Variants in WDR18 observed in about 807,000 individuals in gnomAD.
WDR18 encodes the protein WD repeat domain 18.
Under a neutral mutation model 49.6 loss-of-function variants are expected in WDR18, and 33 were observed. The observed-to-expected ratio is 0.67, with a 90% CI of 0.50 to 0.89. WDR18 has a LOEUF of 0.89. Ranked by LOEUF, WDR18 falls within the 40% of genes least tolerant of loss-of-function variation. The probability of loss-of-function intolerance (pLI) is 0.00; values close to 1 mark genes in which losing one functional copy is unlikely to be tolerated. For synonymous variants in WDR18, 315 were observed against 263.6 expected, an observed-to-expected ratio of 1.19 and a Z score of -1.89; for missense variants, 653 against 593.6, an observed-to-expected ratio of 1.10 and a Z score of -1.04.
In WDR18 at chr19:990,937, A is replaced by AGGT; in HGVS notation, c.683_684insGGT (p.His228delinsGlnVal). The AGGT allele has an allele frequency of 6.2e-7, 1 of 1,612,678 alleles. No individual in the cohort carries two copies. The highest frequency in any genetic ancestry group is 1.1e-5 in the South Asian group (1 of 91,062). On this transcript the variant is annotated protein_altering_variant, in exon 5 of 10. Coordinates refer to ENST00000585809, the MANE Select transcript of WDR18 (RefSeq NM_024100.4). The stretch of plus-strand genomic sequence containing the variant: ...GCAGTGACCATGGACCTGGCTGAGC[A>AGGT]CCATATGTTCTGCGGGGGCAGTGAG...
At chr19:984,660 T>G in intron 1 of WDR18, 97 bp downstream of exon 1, 4 of 1,222,694 alleles carry the variant, frequency 3.3e-6, no homozygotes, top group Non-Finnish European at 4.3e-6. Context: ...TAGTCGGAAT[T>G]GGCGTGGGGA....
In WDR18 at chr19:994,127, G is replaced by A. The variant is rs760290391; in HGVS notation, c.1167+39G>A. On this transcript the variant is annotated intron_variant, in intron 9 of 9. Coordinates refer to ENST00000585809, the MANE Select transcript of WDR18 (RefSeq NM_024100.4). ...CGGGAGGGGCGGGGCCTGAGGCTGGGGTCAGTCCTGGCCAGTGGGGGTGAG... is the reference window on the plus strand; with the variant it reads ...CGGGAGGGGCGGGGCCTGAGGCTGGAGTCAGTCCTGGCCAGTGGGGGTGAG... 8.4e-6 allele frequency: 13 copies of A among 1,548,756 alleles called. No homozygotes were observed. The Middle Eastern group carries it at 1.5e-3, about 181-fold the overall frequency.
intron 2 of WDR18, among the ~76,000 whole-genome samples, chr19:989,130 CA>C (rs1339591594): frequency 6.2e-5 from 5 of 80,958 alleles, no homozygotes; most frequent in African/African-American, 2.3e-4. Flanking sequence ...CAAACCCCCC[CA>C]AGAGCATCTC....
At chr19:989,682 G>A in intron 2 of WDR18, 80 bp from the exon 3 acceptor site, 1 of 1,578,486 alleles carries the variant, frequency 6.3e-7, no homozygotes, top group African/African-American at 1.3e-5. Flanking sequence ...CCGTGCAGTG[G>A]TGGGTTCCTG....
chr19:984,343 G>C, upstream of WDR18: 2 of 1,583,992 alleles, frequency 1.3e-6, no homozygotes. Flanking sequence ...CGGGGCGGTG[G>C]GGAAGGCAAG....
chr19:987,637 C>G (rs114389009), intron 2 of WDR18, among the ~76,000 whole-genome samples: 1,987 of 152,050 alleles, frequency 0.013, 40 homozygotes, highest in African/African-American at 0.045. Context: ...CAGTAGCTCA[C>G]GAGTCACCCC....
chr19:983,409 A>T (rs2038438343), upstream of WDR18, among the ~76,000 whole-genome samples: 1 of 151,974 alleles, frequency 6.6e-6, no homozygotes, highest in Non-Finnish European at 1.5e-5. Context: ...CTCCTGCCTC[A>T]GCCTCCCACC....
Position 991,290 on chromosome 19 carries a change from C to G in WDR18, c.870C>G (p.Asp290Glu), listed in dbSNP as rs1016900924. 8 of 1,563,248 alleles carry G rather than the reference C, an allele frequency of 5.1e-6. No homozygotes were observed. The African/African-American group carries it at 8.1e-5, about 16-fold the overall frequency. The change falls in exon 7 of 10, where the codon GAC (aspartate) becomes GAG (glutamate). Residue 290 changes from aspartate (D) to glutamate (E), a missense_variant. By Grantham distance (45) the Asp-to-Glu change is conservative (BLOSUM62 2). Transcript: ENST00000585809. ...DGSVLLSGSH[D>E]ETVRLWDVQS... The stretch of plus-strand genomic sequence containing the variant: ...GCGTGCTGCTCTCAGGCTCCCACGA[C>G]GAGACCGTGCGCCTCTGGGACGTGC...
chr19:990,164 G>C, intron 3 of WDR18, 59 bp from the exon 4 acceptor site: 1 of 1,522,702 alleles, frequency 6.6e-7, no homozygotes, highest in Non-Finnish European at 8.8e-7. Context: ...TGCTGGAGGC[G>C]TGGACTGCCC....
At chr19:990,435 A>G in intron 4 of WDR18, 71 bp downstream of exon 4, 1 of 1,449,864 alleles carries the variant, frequency 6.9e-7, no homozygotes. Flanking sequence ...CCAGGAATGC[A>G]GGAATCGCCT....
At chr19:993,389 C>T (rs994514074) in intron 8 of WDR18, among the ~76,000 whole-genome samples, 15 of 152,216 alleles carry the variant, frequency 9.9e-5, no homozygotes, top group Non-Finnish European at 1.9e-4. Context: ...CCGGTAATGC[C>T]GCCACCTTTC....
chr19:992,242 G>A (rs2145514537), intron 8 of WDR18, 121 bp downstream of exon 8: 4 of 1,235,958 alleles, frequency 3.2e-6, no homozygotes, highest in Non-Finnish European at 4.2e-6. Flanking sequence ...GCCCGGCACT[G>A]GAGGGCGCGT....
At position 990,969 on chromosome 19, in the gene WDR18, A is replaced by G; in HGVS notation, c.715A>G (p.Ile239Val). Residue 239 changes from isoleucine to valine, a missense_variant, in exon 5 of 10, where the codon ATC becomes GTC. By Grantham distance (29) the Ile-to-Val change is conservative (BLOSUM62 3). Coordinates refer to ENST00000585809, the MANE Select transcript of WDR18 (RefSeq NM_024100.4). Reference sequence around the variant, plus strand: ...GTTCTGCGGGGGCAGTGAGGGCTCCATCTTCCAGGTCGACCTCTTCACCTG... The same window carrying G: ...GTTCTGCGGGGGCAGTGAGGGCTCCGTCTTCCAGGTCGACCTCTTCACCTG... ...HMFCGGSEGSIFQVDLFTWPG... is the reference protein window; with the variant it reads ...HMFCGGSEGSVFQVDLFTWPG... The G allele has an allele frequency of 3.1e-6, 5 of 1,611,154 alleles. No homozygotes were observed. Among genetic ancestry groups the G allele is most frequent in the Non-Finnish European group, 4.2e-6 (5 of 1,178,990 alleles).
chr19:987,216 A>C (rs990924238), intron 2 of WDR18, among the ~76,000 whole-genome samples: 4 of 152,092 alleles, frequency 2.6e-5, no homozygotes, highest in African/African-American at 9.7e-5. Flanking sequence ...GGTGGCATAC[A>C]CCTATAGTCC....
intron 8 of WDR18, among the ~76,000 whole-genome samples, chr19:992,517 C>T (rs771568272): frequency 1.4e-4 from 22 of 152,214 alleles, no homozygotes; most frequent in South Asian, 6.2e-4. Flanking sequence ...GGGCAGGGAG[C>T]GGGTGGGGCC....
At chr19:992,488 G>A (rs1329768154) in intron 8 of WDR18, among the ~76,000 whole-genome samples, 2 of 152,262 alleles carry the variant, frequency 1.3e-5, no homozygotes, top group Non-Finnish European at 2.9e-5. Context: ...GGCTGCCGAA[G>A]GTGCAGGAGC....
chr19:992,728 TGGCTG>T (rs565449901), intron 8 of WDR18, among the ~76,000 whole-genome samples: 3 of 152,116 alleles, frequency 2.0e-5, no homozygotes, highest in Non-Finnish European at 2.9e-5. Flanking sequence ...CCAGTGTGGT[TGGCTG>T]GGCTGGGCTG....
At chr19:986,039 AG>A (rs2038471388) in intron 2 of WDR18, 64 bp downstream of exon 2, 2 of 1,505,426 alleles carry the variant, frequency 1.3e-6, no homozygotes, top group Non-Finnish European at 1.8e-6. Flanking sequence ...CTTTGCCTGC[AG>A]GGCACCAGGG....
Position 990,860 on chromosome 19 carries a change from G to A in WDR18, c.606G>A (p.Glu202=). 6.2e-7 allele frequency: 1 copy of A among 1,606,554 alleles called. No individual in the cohort carries two copies. The highest frequency in any genetic ancestry group is 8.5e-7 in the Non-Finnish European group (1 of 1,176,346). ...CCTTTGCCCACCCGCAGCTATGGGAGGTCTCCTCGGGGGAGCTGCTGCTCT... is the reference window on the plus strand; with the variant it reads ...CCTTTGCCCACCCGCAGCTATGGGAAGTCTCCTCGGGGGAGCTGCTGCTCT... ...SSLDQTVKLW[E]VSSGELLLSV... is the part of the protein sequence containing the mutation. Residue 202 remains glutamate, a synonymous_variant, in exon 5 of 10, where the codon GAG becomes GAA. Coordinates refer to ENST00000585809, the MANE Select transcript of WDR18 (RefSeq NM_024100.4).
Sources: allele counts gnomAD v4.1 joint callset (sites outside exome capture counted in the v4.1 genomes callset), GRCh38; gene constraint gnomAD v4.1.1; transcripts MANE v1.5; gene names NCBI Gene and HGNC (gene_info 2026-07-23, HGNC 2026-07-21).